The following PRAMEF14 variants were observed in gnomAD, a reference collection of about 807,000 sequenced individuals.
PRAMEF14 encodes PRAME family member 14.
In PRAMEF14, 24 loss-of-function variants were observed where a neutral mutation model predicts 38.3. The ratio of observed to expected loss-of-function variants is 0.63; its 90% CI spans 0.45 to 0.88. The LOEUF is 0.88. Ranked by LOEUF, PRAMEF14 falls within the 40% of genes least tolerant of loss-of-function variation. The pLI is 0.00. For synonymous variants in PRAMEF14, 194 were observed against 226.4 expected (o/e 0.86, Z 1.29); for missense variants, 477 against 570.8 (o/e 0.84, Z 1.67).
intron 3 of PRAMEF14, 150 bp downstream of exon 3, chr1:13,343,884 TGGAA>T: frequency 1.3e-6 from 2 of 1,508,186 alleles, no homozygotes; most frequent in Non-Finnish European, 1.8e-6. Flanking sequence ...CTCCAGGACA[TGGAA>T]CACTGAATGG....
At position 13,344,405 on chromosome 1, in the gene PRAMEF14, G is replaced by A. The variant is rs1640374250; in HGVS notation, c.499C>T (p.Leu167Phe). The change falls in exon 3 of 4, where the codon CTC (leucine) becomes TTC (phenylalanine). Residue 167 changes from leucine (L) to phenylalanine (F), a missense_variant. This residue lies in a region of PRAMEF14 where 234 missense variants were observed against 247.4 expected (regional missense o/e 0.95). Transcript: ENST00000334600. ...CTCCTTTGGTAAACCCACTGAAAGAGGTATCTCAGGCATTCATCCTGGGGT... is the reference window on the plus strand; with the variant it reads ...CTCCTTTGGTAAACCCACTGAAAGAAGTATCTCAGGCATTCATCCTGGGGT... ...EIPQDECLRY[L>F]FQWVYQRRGL... 6.2e-7 allele frequency: 1 copy of A among 1,604,294 alleles called. No homozygotes were observed. Among genetic ancestry groups the A allele is most frequent in the African/African-American group, 1.3e-5 (1 of 74,786 alleles).
chr1:13,345,494 C>G, intron 1 of PRAMEF14, 155 bp from the exon 2 acceptor site: 1 of 764,612 alleles, frequency 1.3e-6, no homozygotes, highest in Non-Finnish European at 1.6e-6. Context: ...CCACTGAATC[C>G]CAGAACCACC....
At chr1:13,343,387 G>A (rs1328637029) in intron 3 of PRAMEF14, among the ~76,000 whole-genome samples, 1 of 148,336 alleles carries the variant, frequency 6.7e-6, no homozygotes, top group Non-Finnish European at 1.5e-5. Flanking sequence ...GGTACCCGGT[G>A]GGAGATGTGA....
chr1:13,345,292 C>G lies in PRAMEF14; in HGVS notation c.23G>C (p.Arg8Thr). Residue 8 changes from arginine to threonine, a missense_variant, in exon 2 of 4, where the codon AGA becomes ACA. Arg to Thr is a moderately conservative substitution (Grantham distance 71). Around this residue, in one of 4 missense-constraint regions of PRAMEF14, gnomAD observed 58 missense variants for 119.9 expected, o/e 0.48. Transcript: ENST00000334600. MSIQAPP[R>T]LLELAGQSLL... ...GCTCTGCCCTGCCAGCTCCAGGAGT[C>G]TGGGTGGGGCCTGGATGCTCATCCT... 6.2e-7 allele frequency: 1 copy of G among 1,607,274 alleles called. No individual in the cohort carries two copies. The highest frequency in any genetic ancestry group is 8.5e-7 in the Non-Finnish European group (1 of 1,178,558).
Position 13,344,317 on chromosome 1 carries a change from C to A in PRAMEF14, c.587G>T (p.Arg196Ile). Reference protein sequence around the residue: ...VNYLTPIKHLRKSLKIIYLNS... With the variant: ...VNYLTPIKHLIKSLKIIYLNS... ...CAGGTATATTATTTTCAATGACTTT[C>A]TGAGATGTTTAATCGGCGTTAGATA... is the stretch of plus-strand genomic sequence containing the variant. Residue 196 changes from arginine (R) to isoleucine (I), a missense_variant, in exon 3 of 4, where the codon AGA becomes ATA. Transcript: ENST00000334600. 6.2e-7 allele frequency: 1 copy of A among 1,607,882 alleles called. No individual in the cohort carries two copies. Among genetic ancestry groups the A allele is most frequent in the African/African-American group, 1.3e-5 (1 of 74,872 alleles).
At chr1:13,344,837 C>G (rs1358791747) in intron 2 of PRAMEF14, among the ~76,000 whole-genome samples, 191 bp downstream of exon 2, 1 of 150,476 alleles carries the variant, frequency 6.6e-6, no homozygotes, top group Admixed American at 6.6e-5. Flanking sequence ...GGTTTCTGTT[C>G]CCACAGTGGA....
Position 13,343,093 on chromosome 1 carries a change from A to G in PRAMEF14, c.867-7T>C. 1 of 1,607,874 alleles carries G rather than the reference A, an allele frequency of 6.2e-7. No individual in the cohort carries two copies. Among genetic ancestry groups the G allele is most frequent in the South Asian group, 1.1e-5 (1 of 90,568 alleles). On this transcript the variant is annotated splice_region_variant and splice_polypyrimidine_tract_variant and intron_variant, in intron 3 of 3. Transcript: ENST00000334600. ...CAAGGGGTTCTGGAGGCACCTGTGG[A>G]GATCAAGAAGTTAGTTCTGGGCAAT...
In PRAMEF14 at chr1:13,343,324, CTT is replaced by C. The variant is rs1162125868; in HGVS notation, c.867-240_867-239del. Among the ~76,000 whole-genome samples the C allele has an allele frequency of 2.1e-3, 273 of 127,182 alleles. 1 individual carries two copies. Among genetic ancestry groups the C allele is most frequent in the African/African-American group, 7.0e-3 (248 of 35,360 alleles). 83.4% of individuals were successfully genotyped at this position (127,182 alleles called of 152,430 possible). On this transcript the variant is annotated intron_variant, in intron 3 of 3. Coordinates refer to ENST00000334600, the MANE Select transcript of PRAMEF14 (RefSeq NM_001024661.2). Reference sequence around the variant, plus strand: ...TTCAAGGCCATAAAATCTCTAAAGCCTTTTTTTTTTTTTTTTTCATCTTTTAG... The same window carrying C: ...TTCAAGGCCATAAAATCTCTAAAGCCTTTTTTTTTTTTTTTCATCTTTTAG...
Position 13,344,768 on chromosome 1 carries a change from T to C in PRAMEF14, c.288-152A>G, listed in dbSNP as rs1640379852. 1.0e-5 allele frequency: 15 copies of C among 1,433,902 alleles called. 2 individuals are homozygous for C. The South Asian group carries it at 2.0e-4, about 19-fold the overall frequency. 88.8% of individuals were successfully genotyped at this position (1,433,902 alleles called of 1,614,324 possible). ...ATCCCTGTTCCCTTTTGATTCCCTT[T>C]TGATTCTGACTTTTGATTCCCCACT... is the stretch of plus-strand genomic sequence containing the variant. On this transcript the variant is annotated intron_variant, in intron 2 of 3. Transcript: ENST00000334600.
In PRAMEF14 at chr1:13,342,781, A is replaced by G; in HGVS notation, c.1172T>C (p.Met391Thr). 1.3e-6 allele frequency: 2 copies of G among 1,572,794 alleles called. No homozygotes were observed. The highest frequency in any genetic ancestry group is 8.7e-7 in the Non-Finnish European group (1 of 1,150,372). ...GCACAACAGGTCCTTCAGGGCACCC[A>G]TAGACATACAATTTCTGCCAAAGTA... is the stretch of plus-strand genomic sequence containing the variant. ...TFYFGRNCMS[M>T]GALKDLLCHT... Residue 391 changes from methionine (M) to threonine (T), a missense_variant, in exon 4 of 4, where the codon ATG (methionine) becomes ACG (threonine). Met to Thr is a moderately conservative substitution (Grantham distance 81). This residue lies in a region of PRAMEF14 where 151 missense variants were observed against 137.4 expected (regional missense o/e 1.10). Transcript: ENST00000334600.
At position 13,344,521 on chromosome 1, in the gene PRAMEF14, G is replaced by C; in HGVS notation, c.383C>G (p.Thr128Ser). Residue 128 changes from threonine to serine, a missense_variant, in exon 3 of 4, where the codon ACC becomes AGC. By Grantham distance (58) the Thr-to-Ser change is moderately conservative. This residue lies in a region of PRAMEF14 where 234 missense variants were observed against 247.4 expected (regional missense o/e 0.95). Coordinates refer to ENST00000334600, the MANE Select transcript of PRAMEF14 (RefSeq NM_001024661.2). ...CTCTGCTGTCTGCCTCTTACTCATGGTCTCTGGGAAGCAGGACAGGGCCCA... is the reference window on the plus strand; with the variant it reads ...CTCTGCTGTCTGCCTCTTACTCATGCTCTCTGGGAAGCAGGACAGGGCCCA... ...GAWALSCFPE[T>S]MSKRQTAEDC... 3.1e-6 allele frequency: 5 copies of C among 1,607,296 alleles called. No individual in the cohort carries two copies. Among genetic ancestry groups the C allele is most frequent in the Non-Finnish European group, 4.2e-6 (5 of 1,178,876 alleles).
At chr1:13,343,784 C>T in intron 3 of PRAMEF14, 3 of 1,438,968 alleles carry the variant, frequency 2.1e-6, no homozygotes, top group Admixed American at 4.5e-5. Context: ...GAGCTGAAAC[C>T]CCCACTAACT....
chr1:13,343,244 T>C (rs1553125405), intron 3 of PRAMEF14, 158 bp from the exon 4 acceptor site: 3 of 280,722 alleles, frequency 1.1e-5, no homozygotes, highest in East Asian at 2.0e-4. Flanking sequence ...ACCCTGATCG[T>C]TCAGGGGCTG....
Position 13,345,296 on chromosome 1 carries a change from G to C in PRAMEF14, c.19C>G (p.Pro7Ala), listed in dbSNP as rs1302005218. ...TGCCCTGCCAGCTCCAGGAGTCTGGGTGGGGCCTGGATGCTCATCCTGATA... is the reference window on the plus strand; with the variant it reads ...TGCCCTGCCAGCTCCAGGAGTCTGGCTGGGGCCTGGATGCTCATCCTGATA... Reference protein sequence around the residue: MSIQAPPRLLELAGQSL... With the variant: MSIQAPARLLELAGQSL... Residue 7 changes from proline to alanine, a missense_variant, in exon 2 of 4, where the codon CCC becomes GCC. By Grantham distance (27) the Pro-to-Ala change is conservative. This residue lies in a region of PRAMEF14 where 58 missense variants were observed against 119.9 expected (regional missense o/e 0.48). Transcript: ENST00000334600. 10 of 1,606,982 alleles carry C rather than the reference G, an allele frequency of 6.2e-6. No individual in the cohort carries two copies. In the African/African-American group the frequency reaches 1.1e-4, roughly 17 times the overall value.
intron 3 of PRAMEF14, among the ~76,000 whole-genome samples, chr1:13,343,343 A>ATTTTTTTTTTTTTTTTT (rs1640357064): frequency 9.6e-6 from 1 of 103,676 alleles, no homozygotes. Context: ...TTTTTTTTTC[A>ATTTTTTTTTTTTTTTTT]TCTTTTAGCA....
intron 1 of PRAMEF14, among the ~76,000 whole-genome samples, chr1:13,345,844 A>C (rs1640396158): frequency 3.3e-5 from 5 of 152,062 alleles, no homozygotes; most frequent in African/African-American, 1.2e-4. Context: ...TCTCTACTAA[A>C]TACAAAAAAA....
intron 1 of PRAMEF14, among the ~76,000 whole-genome samples, chr1:13,346,632 A>G (rs1640407965): frequency 6.7e-6 from 1 of 148,682 alleles, no homozygotes; most frequent in Admixed American, 6.7e-5. Flanking sequence ...GGGCAAAGAT[A>G]AATCCCATGA....
At position 13,342,520 on chromosome 1, in the gene PRAMEF14, C is replaced by A; in HGVS notation, c.*8G>T. 6.2e-7 allele frequency: 1 copy of A among 1,604,460 alleles called. No homozygotes were observed. ...TTGGATTTCTCTACCCCGCTAGGCA[C>A]GCCTTCCCTAGCAGCAAAGATGGAG... On this transcript the variant is annotated 3_prime_UTR_variant, in exon 4 of 4. Transcript: ENST00000334600.
intron 1 of PRAMEF14, 105 bp from the exon 2 acceptor site, chr1:13,345,444 G>T: frequency 7.4e-7 from 1 of 1,351,396 alleles, no homozygotes; most frequent in Non-Finnish European, 1.0e-6. Context: ...GGAGGGAGGG[G>T]TCAAGGAGAC....
Sources: allele counts gnomAD v4.1 joint callset (sites outside exome capture counted in the v4.1 genomes callset), GRCh38; gene constraint gnomAD v4.1.1; regional missense constraint gnomAD v4.1.1; transcripts MANE v1.5; gene names NCBI Gene and HGNC (gene_info 2026-07-23, HGNC 2026-07-21).